The following PLEKHA7 variants were observed in gnomAD, a reference collection of about 807,000 sequenced individuals.
The protein encoded by PLEKHA7 is pleckstrin homology domain containing A7.
PLEKHA7 carries 104 observed loss-of-function variants against 170.0 expected under a neutral mutation model. That is an observed-to-expected ratio of 0.61 (90% CI 0.52 to 0.72). The LOEUF (loss-of-function observed/expected upper bound fraction) is 0.72. Among genes scored for constraint, PLEKHA7 ranks in the 30% least tolerant of loss-of-function variants. The pLI, the probability that PLEKHA7 is intolerant of heterozygous loss-of-function variation, is 0.00. For synonymous variants in PLEKHA7, 648 were observed against 660.8 expected (o/e 0.98, Z 0.30); for missense variants, 1,615 against 1,671.7 (o/e 0.97, Z 0.59).
chr11:16,973,380 C>T (rs1218711159), intron 3 of PLEKHA7, among the ~76,000 whole-genome samples: 1 of 152,186 alleles, frequency 6.6e-6, no homozygotes, highest in African/African-American at 2.4e-5. Context: ...TCAGACTTGG[C>T]AGGGACCACC....
At chr11:16,955,536 G>T (rs573247576) in intron 3 of PLEKHA7, among the ~76,000 whole-genome samples, 2 of 152,292 alleles carry the variant, frequency 1.3e-5, no homozygotes, top group South Asian at 4.1e-4. Flanking sequence ...AGGTGTTTGC[G>T]TTAATCAAAT....
rs749387325 is a variant in PLEKHA7, at chr11:16,852,394, C to A, written c.523-39G>T. 3.8e-6 allele frequency: 6 copies of A among 1,581,674 alleles called. No individual in the cohort carries two copies. The Admixed American group carries it at 5.0e-5, about 13-fold the overall frequency. ...AAAACTAGTCAGGGTAATATCTGAG[C>A]ATACTGTTGTCCCTTTCCAAGCATG... On this transcript the variant is annotated intron_variant, in intron 6 of 26. Transcript: ENST00000531066.
At chr11:16,788,790 G>A (rs1849579078) in intron 23 of PLEKHA7, 2 of 479,154 alleles carry the variant, frequency 4.2e-6, no homozygotes, top group Admixed American at 3.5e-5. Context: ...CCCAGGTCCT[G>A]AATTCAGCCG....
At chr11:16,992,060 G>A (rs4757473) in intron 3 of PLEKHA7, among the ~76,000 whole-genome samples, 52,196 of 142,462 alleles carry the variant, frequency 0.37, 9,213 homozygotes, top group Middle Eastern at 0.45. Context: ...AGGACAAACT[G>A]AATTTGGTCC....
chr11:17,008,389 GGCCGTTTGA>G (rs1302700277), intron 3 of PLEKHA7, among the ~76,000 whole-genome samples: 6 of 152,172 alleles, frequency 3.9e-5, no homozygotes, highest in African/African-American at 1.4e-4. Context: ...ACGCAGAGGA[GGCCGTTTGA>G]GCCTCCACCA....
intron 3 of PLEKHA7, among the ~76,000 whole-genome samples, chr11:16,995,292 C>T (rs1033144889): frequency 6.6e-6 from 1 of 152,208 alleles, no homozygotes; most frequent in African/African-American, 2.4e-5. Flanking sequence ...TTTCTCTACT[C>T]TGCTTCACTC....
At chr11:17,004,454 G>A (rs916291944) in intron 3 of PLEKHA7, among the ~76,000 whole-genome samples, 16 of 150,094 alleles carry the variant, frequency 1.1e-4, no homozygotes, top group Admixed American at 3.4e-4. Context: ...GTGCAATGGC[G>A]CAATCTCAGT....
chr11:16,817,671 A>G lies in PLEKHA7; in HGVS notation c.1344-349T>C, dbSNP rs1045418433. 2.0e-5 allele frequency among the ~76,000 whole-genome samples: 3 copies of G among 152,190 alleles called. No homozygotes were observed. The highest frequency in any genetic ancestry group is 7.2e-5 in the African/African-American group (3 of 41,436). ...ATAGGAAAGGCCTCACAATTCTCCA[A>G]GTTACCAAGATTTTCTCTCTGCCTG... On this transcript the variant is annotated intron_variant, in intron 10 of 26. Coordinates refer to ENST00000531066, the MANE Select transcript of PLEKHA7 (RefSeq NM_001329630.2). The surrounding 1 kb of genome is among the most constrained non-coding windows in gnomAD (Gnocchi z 4.4).
In PLEKHA7 at chr11:16,801,804, G is replaced by C; in HGVS notation, c.2171C>G (p.Ser724Cys). 4 of 1,614,102 alleles carry C rather than the reference G, an allele frequency of 2.5e-6. No homozygotes were observed. Among genetic ancestry groups the C allele is most frequent in the Non-Finnish European group, 3.4e-6 (4 of 1,180,016 alleles). ...ALKENKDQLE[S>C]VLEVLHRQME... is the part of the protein sequence containing the mutation. ...CTGTCTGTGCAACACCTCCAGCACA[G>C]ATTCTAGCTGGTCCTGCACCACGAA... Residue 724 changes from serine (S) to cysteine (C), a missense_variant, in exon 16 of 27, where the codon TCT (serine) becomes TGT (cysteine). By Grantham distance (112) the Ser-to-Cys change is moderately radical (BLOSUM62 -1). Transcript: ENST00000531066.
intron 3 of PLEKHA7, among the ~76,000 whole-genome samples, chr11:16,987,159 T>G (rs1192924780): frequency 4.6e-5 from 7 of 152,164 alleles, no homozygotes; most frequent in African/African-American, 1.4e-4. Flanking sequence ...GGCTGTAATC[T>G]TTTCAGCCCA....
At chr11:16,792,797 A>G (rs56892094) in intron 19 of PLEKHA7, among the ~76,000 whole-genome samples, 2,533 of 152,310 alleles carry the variant, frequency 0.017, 50 homozygotes, top group African/African-American at 0.055. Flanking sequence ...GTTTTGAGAC[A>G]GGGTCTTGCT....
intron 3 of PLEKHA7, among the ~76,000 whole-genome samples, chr11:16,999,681 A>G (rs1565194753): frequency 6.6e-6 from 1 of 152,188 alleles, no homozygotes; most frequent in Non-Finnish European, 1.5e-5. Flanking sequence ...AGAGACTCAC[A>G]ATGCCTGAGC....
intron 3 of PLEKHA7, among the ~76,000 whole-genome samples, chr11:16,926,910 C>T (rs73425281): frequency 6.6e-6 from 1 of 152,194 alleles, no homozygotes; most frequent in African/African-American, 2.4e-5. Flanking sequence ...GAGCGCTGTA[C>T]AGGAATTTGG....
At chr11:17,007,552 C>T (rs10832717) in intron 3 of PLEKHA7, among the ~76,000 whole-genome samples, 94,379 of 148,254 alleles carry the variant, frequency 0.64, 30,587 homozygotes, top group East Asian at 0.96. Flanking sequence ...CAAAATTTTA[C>T]ATTTTAGGAT....
rs1241773919 is a variant in PLEKHA7 at position 16,820,876 on chromosome 11, C to G, written c.1344-3554G>C. Among the ~76,000 whole-genome samples, 5 of 152,240 alleles carry G rather than the reference C, an allele frequency of 3.3e-5. No homozygotes were observed. In the East Asian group the frequency reaches 9.7e-4, roughly 29 times the overall value. ...CCAAGGTACCAGTGCAATGGTGAGC[C>G]CTGGCTCTAGGGGTCAAAACAAGGT... is the stretch of plus-strand genomic sequence containing the variant. On this transcript the variant is annotated intron_variant, in intron 10 of 26. Transcript: ENST00000531066.
chr11:16,782,580 C>T (rs1310356509), intron 26 of PLEKHA7, among the ~76,000 whole-genome samples, 174 bp downstream of exon 26: 1 of 152,234 alleles, frequency 6.6e-6, no homozygotes, highest in East Asian at 1.9e-4. Flanking sequence ...CCTTCCAAGT[C>T]CTGCTGTGCT....
intron 4 of PLEKHA7, among the ~76,000 whole-genome samples, chr11:16,857,314 G>A (rs1191359300): frequency 1.3e-5 from 2 of 152,216 alleles, no homozygotes; most frequent in African/African-American, 4.8e-5. Flanking sequence ...AGCAGGAGAT[G>A]CAAGTCCTAC....
At chr11:16,781,661 G>C (rs1849031197) in intron 26 of PLEKHA7, among the ~76,000 whole-genome samples, 1 of 152,162 alleles carries the variant, frequency 6.6e-6, no homozygotes, top group Admixed American at 6.5e-5. Flanking sequence ...ATCAGGCTGT[G>C]GGGGACAGAG....
At chr11:16,967,621 A>T (rs1488069271) in intron 3 of PLEKHA7, among the ~76,000 whole-genome samples, 1 of 152,142 alleles carries the variant, frequency 6.6e-6, no homozygotes, top group Admixed American at 6.5e-5. Context: ...CAGCACCCTA[A>T]GTCCAGGAGA....
Sources: allele counts gnomAD v4.1 joint callset (sites outside exome capture counted in the v4.1 genomes callset), GRCh38; gene constraint gnomAD v4.1.1; non-coding constraint Gnocchi (gnomAD v3.1); transcripts MANE v1.5; gene names NCBI Gene and HGNC (gene_info 2026-07-23, HGNC 2026-07-21).